The following MACF1 variants were observed in gnomAD, a reference collection of about 807,000 sequenced individuals.
MACF1 encodes the protein microtubule actin crosslinking factor 1, also known as microtubule-actin cross-linking factor 1.
Under a neutral mutation model 854.8 loss-of-function variants are expected in MACF1, and 193 were observed. That is an observed-to-expected ratio of 0.23 (90% CI 0.20 to 0.25). The LOEUF (loss-of-function observed/expected upper bound fraction) is 0.25, where lower values mean the gene tolerates loss of function less well. Ranked by LOEUF, MACF1 falls within the 10% of genes least tolerant of loss-of-function variation. The pLI, the probability that MACF1 is intolerant of heterozygous loss-of-function variation, is 1.00. For synonymous variants in MACF1, 3,185 were observed against 3,226.7 expected (o/e 0.99, Z 0.44); for missense variants, 7,722 against 8,929.1 (o/e 0.86, Z 5.45).
At chr1:39,470,418 A>C (rs1442481263) in intron 97 of MACF1, among the ~76,000 whole-genome samples, 1 of 152,170 alleles carries the variant, frequency 6.6e-6, no homozygotes, top group Non-Finnish European at 1.5e-5. Flanking sequence ...AGGCAGGAGG[A>C]TTGTTGAAGC....
At chr1:39,285,888 A>T in intron 14 of MACF1, 130 bp downstream of exon 14, 1 of 963,614 alleles carries the variant, frequency 1.0e-6, no homozygotes, top group South Asian at 1.7e-5. Context: ...CAATGGGGAT[A>T]CTACAGGTCT....
At chr1:39,190,625 C>T (rs1298317239) in intron 2 of MACF1, among the ~76,000 whole-genome samples, 1 of 151,836 alleles carries the variant, frequency 6.6e-6, no homozygotes, top group East Asian at 1.9e-4. Flanking sequence ...AGACGTGAGC[C>T]ACCGCCTTGT....
intron 6 of MACF1, among the ~76,000 whole-genome samples, chr1:39,278,721 G>T (rs1024389221): frequency 2.0e-5 from 3 of 152,192 alleles, no homozygotes; most frequent in Non-Finnish European, 4.4e-5. Flanking sequence ...CAGTGAAATA[G>T]GTAGCTAGAA....
intron 2 of MACF1, among the ~76,000 whole-genome samples, chr1:39,184,481 G>T (rs189811796): frequency 6.6e-6 from 1 of 152,126 alleles, no homozygotes; most frequent in East Asian, 1.9e-4. Flanking sequence ...TAGTATTTTG[G>T]CAAGAGCTAG....
intron 2 of MACF1, among the ~76,000 whole-genome samples, chr1:39,170,202 C>T (rs756260284): frequency 3.9e-5 from 6 of 152,136 alleles, no homozygotes; most frequent in East Asian, 1.9e-4. Flanking sequence ...CTCTGATTAT[C>T]GTAGTCCAAG....
At chr1:39,142,799 T>A (rs1387843553) in intron 2 of MACF1, among the ~76,000 whole-genome samples, 1 of 152,204 alleles carries the variant, frequency 6.6e-6, no homozygotes, top group Admixed American at 6.5e-5. Context: ...CACCTAGGAA[T>A]GGCAGTAGCC....
At chr1:39,168,434 T>G (rs915388495) in intron 2 of MACF1, among the ~76,000 whole-genome samples, 2 of 152,172 alleles carry the variant, frequency 1.3e-5, no homozygotes, top group African/African-American at 4.8e-5. Flanking sequence ...GGCAGTGTAG[T>G]GAAGTGGGAA....
intron 2 of MACF1, among the ~76,000 whole-genome samples, chr1:39,188,711 TCTC>T (rs1489227777): frequency 1.3e-5 from 2 of 152,152 alleles, no homozygotes; most frequent in Non-Finnish European, 2.9e-5. Context: ...TTCAAGCAAT[TCTC>T]CTGCCACAGC....
chr1:39,365,779 G>A (rs549091438), intron 49 of MACF1, among the ~76,000 whole-genome samples: 7 of 151,712 alleles, frequency 4.6e-5, no homozygotes, highest in South Asian at 2.1e-4. Flanking sequence ...AGGTTCAAGC[G>A]ATTCTCCTGC....
intron 2 of MACF1, among the ~76,000 whole-genome samples, chr1:39,166,254 G>A (rs1440942312): frequency 6.6e-6 from 1 of 151,860 alleles, no homozygotes; most frequent in African/African-American, 2.4e-5. Context: ...TTTCAGTAGA[G>A]ATGGGGTTTC....
At chr1:39,310,507 A>T in intron 25 of MACF1, 79 bp downstream of exon 25, 1 of 1,428,766 alleles carries the variant, frequency 7.0e-7, no homozygotes, top group Admixed American at 2.4e-5. Context: ...CTTCATATAA[A>T]TGAGAGAGTA....
At chr1:39,483,055 C>G (rs1013067583) in intron 99 of MACF1, among the ~76,000 whole-genome samples, 1 of 135,230 alleles carries the variant, frequency 7.4e-6, no homozygotes, top group African/African-American at 2.9e-5. Context: ...CCACTGTGCT[C>G]CAGTCTGGGT....
chr1:39,185,162 G>A (rs902230992), intron 2 of MACF1, among the ~76,000 whole-genome samples: 3 of 151,896 alleles, frequency 2.0e-5, no homozygotes, highest in African/African-American at 7.3e-5. Flanking sequence ...CGTGGTGGCG[G>A]GTGCCTGTAG....
At chr1:39,165,895 T>C (rs1643877010) in intron 2 of MACF1, among the ~76,000 whole-genome samples, 1 of 152,186 alleles carries the variant, frequency 6.6e-6, no homozygotes, top group Non-Finnish European at 1.5e-5. Context: ...ATCAACTTAA[T>C]TGCCTCACTC....
chr1:39,358,893 G>T lies in MACF1; in HGVS notation c.12120+20G>T. The T allele has an allele frequency of 6.3e-7, 1 of 1,589,878 alleles. No homozygotes were observed. The highest frequency in any genetic ancestry group is 8.5e-7 in the Non-Finnish European group (1 of 1,171,534). On this transcript the variant is annotated intron_variant, in intron 46 of 100. Transcript: ENST00000564288. The stretch of plus-strand genomic sequence containing the variant: ...ACAAAGGTAAGTCAGGACACAGGCT[G>T]TGTTGTGGTGTCAAGACCTTGTATT...
chr1:39,310,689 A>G, intron 25 of MACF1, 142 bp from the exon 26 acceptor site: 1 of 865,596 alleles, frequency 1.2e-6, no homozygotes, highest in Non-Finnish European at 1.7e-6. Flanking sequence ...CTCAAAGATT[A>G]GTATACAGTA....
chr1:39,181,944 A>G (rs1265391171), intron 2 of MACF1, among the ~76,000 whole-genome samples: 7 of 152,166 alleles, frequency 4.6e-5, no homozygotes, highest in Admixed American at 4.6e-4. Flanking sequence ...CGAGATCAGG[A>G]GTTCGAGACC....
chr1:39,360,149 G>T (rs1648053963), intron 47 of MACF1, among the ~76,000 whole-genome samples: 1 of 147,694 alleles, frequency 6.8e-6, no homozygotes. Flanking sequence ...TATATTTTAA[G>T]TGTTTTCACC....
rs1373180315 is a variant in MACF1, at chr1:39,435,731, T to G, written c.17958T>G (p.Ala5986=). 6 of 1,614,106 alleles carry G rather than the reference T, an allele frequency of 3.7e-6. No homozygotes were observed. The highest frequency in any genetic ancestry group is 5.1e-6 in the Non-Finnish European group (6 of 1,179,996). The change falls in exon 70 of 101, where the codon GCT becomes GCG. Residue 5986 remains alanine, a synonymous_variant. Coordinates refer to ENST00000564288, the MANE Select transcript of MACF1 (RefSeq NM_001394062.1). The part of the protein sequence containing the change: ...IKEEVRQRAL[A]LDEAVSQSTQ... ...AGGAGGTGCGCCAGCGAGCCCTGGC[T>G]CTGGATGAAGCCGTGTCCCAGTCCA... is the stretch of plus-strand genomic sequence containing the variant.
Sources: allele counts gnomAD v4.1 joint callset (sites outside exome capture counted in the v4.1 genomes callset), GRCh38; gene constraint gnomAD v4.1.1; transcripts MANE v1.5; gene names NCBI Gene and HGNC (gene_info 2026-07-23, HGNC 2026-07-21).